The following CHTF8 variants were observed in gnomAD, a reference collection of about 807,000 sequenced individuals.
The protein encoded by CHTF8 is chromosome transmission fidelity protein 8 homolog.
A neutral mutation model predicts 11.0 loss-of-function variants in CHTF8; 6 were observed. The ratio of observed to expected loss-of-function variants is 0.55; its 90% confidence interval spans 0.30 to 1.08. The LOEUF (loss-of-function observed/expected upper bound fraction) is 1.08. Among genes scored for constraint, CHTF8 ranks in the 50% least tolerant of loss-of-function variants. The pLI is 0.07. For synonymous variants in CHTF8, 53 were observed against 60.5 expected, an observed-to-expected ratio of 0.88 and a Z score of 0.57; for missense variants, 140 against 153.1, an observed-to-expected ratio of 0.91 and a Z score of 0.45.
chr16:69,130,127 G>T (rs950860547), intron 1 of CHTF8, among the ~76,000 whole-genome samples: 1 of 152,178 alleles, frequency 6.6e-6, no homozygotes, highest in Non-Finnish European at 1.5e-5. Flanking sequence ...GTCTTACAGA[G>T]AACAGAACAG....
chr16:69,121,393 T>C (rs771039848), intron 2 of CHTF8, 43 bp downstream of exon 2: 5 of 1,558,844 alleles, frequency 3.2e-6, no homozygotes, highest in Middle Eastern at 1.7e-4. Flanking sequence ...TCTATAGCCC[T>C]CATCATTTCA....
chr16:69,131,643 A>C, intron 1 of CHTF8, among the ~76,000 whole-genome samples: 1 of 136,908 alleles, frequency 7.3e-6, no homozygotes, highest in Non-Finnish European at 1.6e-5. Flanking sequence ...AGCTGTTTTA[A>C]CCCCTTTTCC....
At position 69,118,436 on chromosome 16, in the gene CHTF8, C is replaced by A; in HGVS notation, c.*1989G>T. ...AGCTACGGAAGCATGGTCCGTTCAC[C>A]AACGCCACGTTTCTAGAGAGCAGTG... On this transcript the variant is annotated 3_prime_UTR_variant, in exon 4 of 4. Coordinates refer to ENST00000448552, the MANE Select transcript of CHTF8 (RefSeq NM_001039690.5). 6.2e-7 allele frequency: 1 copy of A among 1,611,070 alleles called. No individual in the cohort carries two copies. Among genetic ancestry groups the A allele is most frequent in the Non-Finnish European group, 8.5e-7 (1 of 1,177,232 alleles).
chr16:69,119,209 C>A lies in CHTF8; in HGVS notation c.*1216G>T, dbSNP rs1198599311. 1.4e-6 allele frequency: 1 copy of A among 703,024 alleles called. No homozygotes were observed. Among genetic ancestry groups the A allele is most frequent in the East Asian group, 2.7e-5 (1 of 37,280 alleles). The allele number at this position is 703,024 out of a possible 1,614,324, so 43.5% of individuals were successfully genotyped here. A position where few individuals can be genotyped will look rare whatever the true frequency, so the allele number is the denominator to read the frequency against. On this transcript the variant is annotated 3_prime_UTR_variant, in exon 4 of 4. Transcript: ENST00000448552. ...CCTTGGGAAGTTAGCTGGGTTGGGG[C>A]CAAGTGGCCCAGAGGCTCTTGGGAA... is the stretch of plus-strand genomic sequence containing the variant.
chr16:69,125,192 T>C (rs1041811938), intron 1 of CHTF8, among the ~76,000 whole-genome samples: 18 of 152,102 alleles, frequency 1.2e-4, no homozygotes, highest in Non-Finnish European at 1.6e-4. Flanking sequence ...GCTTGAGTCA[T>C]TGCGCCCGGC....
intron 1 of CHTF8, among the ~76,000 whole-genome samples, chr16:69,124,920 T>C (rs1961947918): frequency 6.6e-6 from 1 of 151,868 alleles, no homozygotes; most frequent in South Asian, 2.1e-4. Context: ...TAGACTTTTT[T>C]TGAGACAGAG....
In CHTF8 at chr16:69,120,593, C is replaced by G. The variant is rs370669435; in HGVS notation, c.198G>C (p.Leu66=). The part of the protein sequence containing the change: ...HHILYGKIIH[L]EKPFAVLVKH... ...TGACAAGGACTGCAAAAGGTTTCTC[C>G]AGGTGGATGATTTTCCCATACAGGA... Residue 66 remains leucine (L), a synonymous_variant, in exon 4 of 4, where the codon CTG becomes CTC. Transcript: ENST00000448552. The surrounding 1 kb of genome is among the most constrained non-coding windows in gnomAD (Gnocchi z 4.0). The G allele has an allele frequency of 5.6e-6, 9 of 1,613,880 alleles. No homozygotes were observed. Among genetic ancestry groups the G allele is most frequent in the Non-Finnish European group, 6.8e-6 (8 of 1,179,924 alleles).
At chr16:69,129,781 C>T (rs555931126) in intron 1 of CHTF8, among the ~76,000 whole-genome samples, 2 of 152,204 alleles carry the variant, frequency 1.3e-5, no homozygotes, top group South Asian at 2.1e-4. Flanking sequence ...ATATTAGCCT[C>T]GTTCTCACAG....
intron 1 of CHTF8, 62 bp from the exon 2 acceptor site, chr16:69,121,555 G>A: frequency 7.9e-6 from 8 of 1,015,590 alleles, no homozygotes; most frequent in Non-Finnish European, 1.2e-5. Flanking sequence ...GACACCTAAT[G>A]CAACCTCCAC....
intron 1 of CHTF8, 49 bp downstream of exon 1, chr16:69,132,435 T>C: frequency 6.1e-6 from 1 of 165,126 alleles, no homozygotes; most frequent in Non-Finnish European, 1.2e-5. Flanking sequence ...CAATCCCGGC[T>C]CGGCCCTCGC....
In CHTF8 at chr16:69,118,720, G is replaced by T. The variant is rs996353940; in HGVS notation, c.*1705C>A. On this transcript the variant is annotated 3_prime_UTR_variant, in exon 4 of 4. Coordinates refer to ENST00000448552, the MANE Select transcript of CHTF8 (RefSeq NM_001039690.5). Reference sequence around the variant, plus strand: ...AGTCAAGAAAAACGCAAAGGAAAAAGATGGCTCATTTGAACTTGAGCCCAA... The same window carrying T: ...AGTCAAGAAAAACGCAAAGGAAAAATATGGCTCATTTGAACTTGAGCCCAA... The T allele has an allele frequency of 3.1e-6, 2 of 645,012 alleles. No homozygotes were observed. Among genetic ancestry groups the T allele is most frequent in the African/African-American group, 1.8e-5 (1 of 55,116 alleles). 40.0% of individuals were successfully genotyped at this position (645,012 alleles called of 1,614,324 possible). A position where few individuals can be genotyped will look rare whatever the true frequency, so the allele number is the denominator to read the frequency against.
In CHTF8 at chr16:69,120,677, GA is replaced by G; in HGVS notation, c.142-29del. 1.3e-6 allele frequency: 2 copies of G among 1,588,346 alleles called. No individual in the cohort carries two copies. Among genetic ancestry groups the G allele is most frequent in the Non-Finnish European group, 1.7e-6 (2 of 1,160,586 alleles). ...TTGGCAGAACAAGAACGAGATTCCT[GA>G]GGTTCCGGGGCAAGGCCATAACACT... On this transcript the variant is annotated intron_variant, in intron 3 of 3. Coordinates refer to ENST00000448552, the MANE Select transcript of CHTF8 (RefSeq NM_001039690.5). This position sits in a 1 kb window ranked among gnomAD's most constrained non-coding sequence, Gnocchi z 4.0.
At chr16:69,125,613 C>T (rs936106752) in intron 1 of CHTF8, among the ~76,000 whole-genome samples, 1 of 152,192 alleles carries the variant, frequency 6.6e-6, no homozygotes, top group Non-Finnish European at 1.5e-5. Context: ...TGAGTCAGAC[C>T]TTCTGCACCA....
Position 69,119,962 on chromosome 16 carries a change from A to G in CHTF8, c.*463T>C, listed in dbSNP as rs1961500908. The G allele has an allele frequency of 1.4e-6, 1 of 700,690 alleles. No individual in the cohort carries two copies. The highest frequency in any genetic ancestry group is 1.7e-5 in the African/African-American group (1 of 57,198). 43.4% of individuals were successfully genotyped at this position (700,690 alleles called of 1,614,324 possible). A position where few individuals can be genotyped will look rare whatever the true frequency, so the allele number is the denominator to read the frequency against. The stretch of plus-strand genomic sequence containing the variant: ...GAGACCACCTGCCCTTGGGTTGGAC[A>G]TAGGACCTGGTCCTGGGAGACCCCC... On this transcript the variant is annotated 3_prime_UTR_variant, in exon 4 of 4. Coordinates refer to ENST00000448552, the MANE Select transcript of CHTF8 (RefSeq NM_001039690.5).
chr16:69,132,463 G>GCC (rs372312836), intron 1 of CHTF8, 21 bp downstream of exon 1: 4 of 208,002 alleles, frequency 1.9e-5, no homozygotes, highest in Non-Finnish European at 3.7e-5. Flanking sequence ...AGCCTCCCGT[G>GCC]CCCCCCGCCC....
intron 1 of CHTF8, among the ~76,000 whole-genome samples, chr16:69,130,496 G>A (rs779283429): frequency 3.3e-5 from 5 of 152,106 alleles, no homozygotes; most frequent in Non-Finnish European, 7.4e-5. Context: ...CTTTGTTTAC[G>A]AATATAGTGA....
At chr16:69,123,685 A>C (rs1328372090) in intron 1 of CHTF8, among the ~76,000 whole-genome samples, 1 of 152,196 alleles carries the variant, frequency 6.6e-6, no homozygotes, top group African/African-American at 2.4e-5. Flanking sequence ...AAGGGAACTG[A>C]GAAAGTCCTC....
At position 69,119,228 on chromosome 16, in the gene CHTF8, T is replaced by C. The variant is rs1195089380; in HGVS notation, c.*1197A>G. 1 of 703,004 alleles carries C rather than the reference T, an allele frequency of 1.4e-6. No individual in the cohort carries two copies. The highest frequency in any genetic ancestry group is 1.5e-5 in the South Asian group (1 of 67,592). The allele number at this position is 703,004 out of a possible 1,614,324, so 43.5% of individuals were successfully genotyped here. Reference sequence around the variant, plus strand: ...TTGGGGCCAAGTGGCCCAGAGGCTCTTGGGAAAATGGTTGGATTTGAGCCC... The same window carrying C: ...TTGGGGCCAAGTGGCCCAGAGGCTCCTGGGAAAATGGTTGGATTTGAGCCC... On this transcript the variant is annotated 3_prime_UTR_variant, in exon 4 of 4. Coordinates refer to ENST00000448552, the MANE Select transcript of CHTF8 (RefSeq NM_001039690.5).
Position 69,118,133 on chromosome 16 carries a change from A to AC in CHTF8, c.*2291dup. 6.8e-6 allele frequency: 1 copy of AC among 148,006 alleles called. No homozygotes were observed. Among genetic ancestry groups the AC allele is most frequent in the South Asian group, 5.4e-5 (1 of 18,544 alleles). The allele number at this position is 148,006 out of a possible 1,614,324, so 9.2% of individuals were successfully genotyped here. A position where few individuals can be genotyped will look rare whatever the true frequency, so the allele number is the denominator to read the frequency against. ...TTTCTTCCCTTCATCCCCCACCCCC[A>AC]CCCTAATTCCCATATTCCCATCCAC... On this transcript the variant is annotated 3_prime_UTR_variant, in exon 4 of 4. Transcript: ENST00000448552.
Sources: allele counts gnomAD v4.1 joint callset (sites outside exome capture counted in the v4.1 genomes callset), GRCh38; gene constraint gnomAD v4.1.1; non-coding constraint Gnocchi (gnomAD v3.1); transcripts MANE v1.5; gene names NCBI Gene and HGNC (gene_info 2026-07-23, HGNC 2026-07-21).